The following IDH1 variants were observed in gnomAD, a reference collection of about 807,000 sequenced individuals.
IDH1 encodes the protein isocitrate dehydrogenase (NADP(+)) 1.
IDH1 carries 33 observed loss-of-function variants against 46.1 expected under a neutral mutation model. The observed-to-expected ratio is 0.72, with a 90% confidence interval of 0.54 to 0.96. The LOEUF is 0.96. Ranked by LOEUF, IDH1 falls within the 40% of genes least tolerant of loss-of-function variation. IDH1 has a pLI of 0.00. For synonymous variants in IDH1, 144 were observed against 172.8 expected (o/e 0.83, Z 1.31); for missense variants, 421 against 515.7 (o/e 0.82, Z 1.78).
At chr2:208,250,403 T>G (rs1688101846) in intron 3 of IDH1, among the ~76,000 whole-genome samples, 1 of 41,268 alleles carries the variant, frequency 2.4e-5, no homozygotes, top group African/African-American at 7.5e-5. Flanking sequence ...AATATAGACA[T>G]CAGCAGCTTA....
chr2:208,239,809 G>A, intron 8 of IDH1, 54 bp downstream of exon 8: 1 of 1,579,058 alleles, frequency 6.3e-7, no homozygotes, highest in South Asian at 1.1e-5. Context: ...GAACACATCT[G>A]GGCTGCTTTG....
At position 208,243,545 on chromosome 2, in the gene IDH1, G is replaced by A. The variant is rs753981193; in HGVS notation, c.580C>T (p.His194Tyr). ...GACAGAGCCATTTGGAAGGAACTGT[G>A]TGCAAAATCTTCAATTGACTTATCT... ...NQDKSIEDFAHSSFQMALSKG... is the reference protein window; with the variant it reads ...NQDKSIEDFAYSSFQMALSKG... Residue 194 changes from histidine (H) to tyrosine (Y), a missense_variant, in exon 6 of 10, where the codon CAC becomes TAC. Coordinates refer to ENST00000345146, the MANE Select transcript of IDH1 (RefSeq NM_005896.4). 2.5e-6 allele frequency: 4 copies of A among 1,613,762 alleles called. No homozygotes were observed. In the Admixed American group the frequency reaches 5.0e-5, roughly 20 times the overall value.
chr2:208,247,199 T>A (rs985057254), intron 4 of IDH1, among the ~76,000 whole-genome samples: 6 of 152,204 alleles, frequency 3.9e-5, no homozygotes, highest in African/African-American at 1.4e-4. Context: ...ATGGCTACAT[T>A]AAAACCTCTG....
Position 208,242,112 on chromosome 2 carries a change from G to A in IDH1, c.732C>T (p.Ile244=). 6.2e-7 allele frequency: 1 copy of A among 1,613,938 alleles called. No individual in the cohort carries two copies. The highest frequency in any genetic ancestry group is 8.5e-7 in the Non-Finnish European group (1 of 1,179,916). ...CGTCGATGAGCCTATGCTCATACCA[G>A]ATCTTTTGAGCTTCAAACTGGGACT... ...QYKSQFEAQK[I]WYEHRLIDDM... The change falls in exon 7 of 10, where the codon ATC becomes ATT. Residue 244 remains isoleucine, a synonymous_variant. Coordinates refer to ENST00000345146, the MANE Select transcript of IDH1 (RefSeq NM_005896.4).
At chr2:208,251,631 A>G in intron 2 of IDH1, 64 bp from the exon 3 acceptor site, 1 of 1,368,006 alleles carries the variant, frequency 7.3e-7, no homozygotes, top group Non-Finnish European at 1.0e-6. Flanking sequence ...ATATATAAAC[A>G]ACGTAGTGTT....
intron 4 of IDH1, chr2:208,247,575 A>T (rs1688047050): frequency 6.6e-6 from 1 of 152,354 alleles, no homozygotes; most frequent in African/African-American, 2.4e-5. Flanking sequence ...AGCTGGGACT[A>T]TAGGCACATG....
chr2:208,249,337 GCACCACC>G (rs1396461657), intron 3 of IDH1, among the ~76,000 whole-genome samples: 2 of 152,118 alleles, frequency 1.3e-5, no homozygotes, highest in Non-Finnish European at 2.9e-5. Flanking sequence ...CTACAGGCAT[GCACCACC>G]ATGCCCAGCT....
chr2:208,244,457 G>A (rs1325132687), intron 5 of IDH1, among the ~76,000 whole-genome samples: 1 of 152,188 alleles, frequency 6.6e-6, no homozygotes, highest in African/African-American at 2.4e-5. Context: ...TTCAAATACT[G>A]AATGAAAATT....
intron 3 of IDH1, among the ~76,000 whole-genome samples, chr2:208,250,041 C>T (rs1476429005): frequency 1.3e-5 from 2 of 152,102 alleles, no homozygotes; most frequent in Non-Finnish European, 2.9e-5. Context: ...CTACCTGCTC[C>T]ATTCTCCTGA....
At chr2:208,251,376 G>A (rs1393710026) in intron 3 of IDH1, 54 bp downstream of exon 3, 2 of 1,603,326 alleles carry the variant, frequency 1.2e-6, no homozygotes, top group Non-Finnish European at 1.7e-6. Context: ...GCACCACCAT[G>A]CCCAGCCAGA....
At position 208,248,356 on chromosome 2, in the gene IDH1, C is replaced by T; in HGVS notation, c.414+13G>A. The T allele has an allele frequency of 6.2e-7, 1 of 1,612,148 alleles. No individual in the cohort carries two copies. Among genetic ancestry groups the T allele is most frequent in the Non-Finnish European group, 8.5e-7 (1 of 1,178,656 alleles). ...AAAACATGCAAAATCACATTATTGC[C>T]AACATGACTTACTTGATCCCCATAA... On this transcript the variant is annotated intron_variant, in intron 4 of 9. Coordinates refer to ENST00000345146, the MANE Select transcript of IDH1 (RefSeq NM_005896.4).
Position 208,245,415 on chromosome 2 carries a change from T to G in IDH1, c.424A>C (p.Thr142Pro). The G allele has an allele frequency of 6.2e-7, 1 of 1,604,250 alleles. No homozygotes were observed. The highest frequency in any genetic ancestry group is 8.5e-7 in the Non-Finnish European group (1 of 1,171,414). ...RHAYGDQYRA[T>P]DFVVPGPGKV... ...CCAGGCCCAGGAACAACAAAATCAGTTGCTCTGTACTGTGTAGAGGGGAAA... is the reference window on the plus strand; with the variant it reads ...CCAGGCCCAGGAACAACAAAATCAGGTGCTCTGTACTGTGTAGAGGGGAAA... Residue 142 changes from threonine (T) to proline (P), a missense_variant, in exon 5 of 10, where the codon ACT becomes CCT. Coordinates refer to ENST00000345146, the MANE Select transcript of IDH1 (RefSeq NM_005896.4).
rs746931121 is a variant in IDH1, at chr2:208,242,138, T to G, written c.706A>C (p.Lys236Gln). ...IFQEIYDKQY[K>Q]SQFEAQKIWY... Reference sequence around the variant, plus strand: ...ATCTTTTGAGCTTCAAACTGGGACTTGTACTGCCTGGGAAACAAAAGGTAA... The same window carrying G: ...ATCTTTTGAGCTTCAAACTGGGACTGGTACTGCCTGGGAAACAAAAGGTAA... The change falls in exon 7 of 10, where the codon AAG (lysine) becomes CAG (glutamine). Residue 236 changes from lysine (K) to glutamine (Q), a missense_variant. Lys to Gln is a moderately conservative substitution (Grantham distance 53, BLOSUM62 1). Transcript: ENST00000345146. The G allele has an allele frequency of 5.6e-6, 9 of 1,613,788 alleles. No individual in the cohort carries two copies. The highest frequency in any genetic ancestry group is 3.3e-5 in the Admixed American group (2 of 60,002).
rs1168592559 is a variant in IDH1, at chr2:208,237,162, G to A, written c.1162C>T (p.Arg388Cys). The change falls in exon 10 of 10, where the codon CGT (arginine) becomes TGT (cysteine). Residue 388 changes from arginine (R) to cysteine (C), a missense_variant. Physicochemically the swap from Arg to Cys is radical, Grantham distance 180. Coordinates refer to ENST00000345146, the MANE Select transcript of IDH1 (RefSeq NM_005896.4). ...TCAAATGTATTCAAGTAGTCAGAAC[G>A]TTGCACACTAACGGGAAGGAAAAAA... The part of the protein sequence containing the change: ...ACIKGLPNVQ[R>C]SDYLNTFEFM... 1.2e-5 allele frequency: 19 copies of A among 1,580,558 alleles called. No homozygotes were observed. Among genetic ancestry groups the A allele is most frequent in the Admixed American group, 5.3e-5 (3 of 56,830 alleles).
intron 7 of IDH1, 166 bp from the exon 8 acceptor site, chr2:208,240,169 G>A (rs540372746): frequency 3.7e-5 from 27 of 722,416 alleles, no homozygotes; most frequent in Middle Eastern, 7.3e-4. Flanking sequence ...CAGGATCCCC[G>A]CTCCAGATAT....
chr2:208,249,505 T>C (rs1688084457), intron 3 of IDH1, among the ~76,000 whole-genome samples: 1 of 152,258 alleles, frequency 6.6e-6, no homozygotes, highest in African/African-American at 2.4e-5. Flanking sequence ...CATTCAGAGC[T>C]GAAAGAATGT....
chr2:208,237,104 ATCT>A lies in IDH1; in HGVS notation c.1217_1219del (p.Lys406del). 1.2e-6 allele frequency: 2 copies of A among 1,605,190 alleles called. No homozygotes were observed. Among genetic ancestry groups the A allele is most frequent in the Non-Finnish European group, 1.7e-6 (2 of 1,172,376 alleles). ...TTAAAGTTTGGCCTGAGCTAGTTTG[ATCT>A]TCAAGTTTTCTCCAAGTTTATCCAT... On this transcript the variant is annotated inframe_deletion, in exon 10 of 10. Coordinates refer to ENST00000345146, the MANE Select transcript of IDH1 (RefSeq NM_005896.4).
intron 2 of IDH1, among the ~76,000 whole-genome samples, 169 bp downstream of exon 2, chr2:208,253,717 A>G (rs1465548209): frequency 6.6e-6 from 1 of 152,252 alleles, no homozygotes; most frequent in Non-Finnish European, 1.5e-5. Context: ...GATCTCTTGC[A>G]GATAAGACAC....
Position 208,240,366 on chromosome 2 carries a change from C to A in IDH1, c.851-363G>T, listed in dbSNP as rs370314301. The A allele has an allele frequency of 6.5e-5, 16 of 247,652 alleles. No homozygotes were observed. In the South Asian group the frequency reaches 9.2e-4, roughly 14 times the overall value. 15.3% of individuals were successfully genotyped at this position (247,652 alleles called of 1,614,324 possible). On this transcript the variant is annotated intron_variant, in intron 7 of 9. Coordinates refer to ENST00000345146, the MANE Select transcript of IDH1 (RefSeq NM_005896.4). ...TAACAGCACCTACTTCACTAGGTTG[C>A]TGTGGGATTAGATAAATATACATAT...
Sources: allele counts gnomAD v4.1 joint callset (sites outside exome capture counted in the v4.1 genomes callset), GRCh38; gene constraint gnomAD v4.1.1; transcripts MANE v1.5; gene names NCBI Gene and HGNC (gene_info 2026-07-23, HGNC 2026-07-21).